H2AZ1: variants seen among roughly 807,000 people sequenced by gnomAD.
The protein encoded by H2AZ1 is H2A.Z variant histone 1, also known as histone H2A.Z.
A neutral mutation model predicts 16.6 loss-of-function variants in H2AZ1; 3 were observed. That is an observed-to-expected ratio of 0.18 (90% CI 0.08 to 0.47). The LOEUF (loss-of-function observed/expected upper bound fraction) is 0.47. Ranked by LOEUF, H2AZ1 falls within the 20% of genes least tolerant of loss-of-function variation. H2AZ1 has a pLI of 0.98. For missense variants in H2AZ1, 27 were observed against 163.6 expected (o/e 0.17, Z 4.55); for synonymous variants, 78 against 60.7 (o/e 1.28, Z -1.32).
At chr4:99,949,070 C>G in intron 3 of H2AZ1, 130 bp from the exon 4 acceptor site, 1 of 719,392 alleles carries the variant, frequency 1.4e-6, no homozygotes, top group Non-Finnish European at 2.5e-6. Flanking sequence ...GCAAGATATA[C>G]AGGGGGCACG....
At chr4:99,949,075 G>A (rs1727207342) in intron 3 of H2AZ1, 135 bp from the exon 4 acceptor site, 1 of 710,182 alleles carries the variant, frequency 1.4e-6, no homozygotes, top group Non-Finnish European at 2.5e-6. Flanking sequence ...ATATACAGGG[G>A]GCACGCAATT....
chr4:99,949,405 A>G lies in H2AZ1; in HGVS notation c.82-19T>C, dbSNP rs1277958692. 1 of 1,444,712 alleles carries G rather than the reference A, an allele frequency of 6.9e-7. No homozygotes were observed. Among genetic ancestry groups the G allele is most frequent in the African/African-American group, 1.4e-5 (1 of 71,614 alleles). The allele number at this position is 1,444,712 out of a possible 1,614,324, so 89.5% of individuals were successfully genotyped here. A position where few individuals can be genotyped will look rare whatever the true frequency, so the allele number is the denominator to read the frequency against. ...CTGGGAACTTAAATTTTAAGCATAC[A>G]CAAACATAAATGCACAAAAATGAGA... On this transcript the variant is annotated intron_variant, in intron 2 of 4. Coordinates refer to ENST00000296417, the MANE Select transcript of H2AZ1 (RefSeq NM_002106.4).
At chr4:99,948,965 C>T (rs1174987864) in intron 3 of H2AZ1, 25 bp from the exon 4 acceptor site, 1 of 1,360,996 alleles carries the variant, frequency 7.3e-7, no homozygotes, top group Admixed American at 1.7e-5. Context: ...CTGTCAGTTG[C>T]CTTCCAACTT....
chr4:99,950,063 G>A (rs558517179), intron 1 of H2AZ1, 105 bp downstream of exon 1: 1 of 1,092,386 alleles, frequency 9.2e-7, no homozygotes, highest in Non-Finnish European at 1.4e-6. Context: ...TCCTGTCTCC[G>A]CGCGTTCCCA....
chr4:99,950,228 G>T lies in H2AZ1; in HGVS notation c.-58C>A. 6.4e-7 allele frequency: 1 copy of T among 1,562,778 alleles called. No homozygotes were observed. The highest frequency in any genetic ancestry group is 8.8e-7 in the Non-Finnish European group (1 of 1,141,136). On this transcript the variant is annotated 5_prime_UTR_variant, in exon 1 of 5. Coordinates refer to ENST00000296417, the MANE Select transcript of H2AZ1 (RefSeq NM_002106.4). Reference sequence around the variant, plus strand: ...CAGAGAAAAGGCTAATCGGACCCACGGTGAGATCCCACCACCTACTCCTTC... The same window carrying T: ...CAGAGAAAAGGCTAATCGGACCCACTGTGAGATCCCACCACCTACTCCTTC...
At chr4:99,948,644 T>C in intron 4 of H2AZ1, 121 bp from the exon 5 acceptor site, 2 of 1,494,442 alleles carry the variant, frequency 1.3e-6, no homozygotes, top group Non-Finnish European at 1.8e-6. Context: ...AGCTCAAGTA[T>C]GAAGTAAAAA....
chr4:99,948,869 A>G lies in H2AZ1; in HGVS notation c.267T>C (p.Leu89=). Reference sequence around the variant, plus strand: ...CCAATTCTTCATCTCCACGAATAGCAAGTTGCAAGTGACGAGGGGTAATAC... The same window carrying G: ...CCAATTCTTCATCTCCACGAATAGCGAGTTGCAAGTGACGAGGGGTAATAC... ...VKRITPRHLQ[L]AIRGDEELDS... Residue 89 remains leucine, a synonymous_variant, in exon 4 of 5, where the codon CTT becomes CTC. Transcript: ENST00000296417. 6.2e-7 allele frequency: 1 copy of G among 1,613,462 alleles called. No homozygotes were observed. The highest frequency in any genetic ancestry group is 1.7e-4 in the Middle Eastern group (1 of 6,060).
intron 1 of H2AZ1, 146 bp downstream of exon 1, chr4:99,950,022 C>G: frequency 1.4e-6 from 1 of 694,794 alleles, no homozygotes; most frequent in African/African-American, 1.8e-5. Flanking sequence ...CCGCTAGCAG[C>G]CGACAAAACA....
At chr4:99,948,547 T>C in intron 4 of H2AZ1, 24 bp from the exon 5 acceptor site, 1 of 1,609,068 alleles carries the variant, frequency 6.2e-7, no homozygotes, top group Non-Finnish European at 8.5e-7. Context: ...AGGAATTAAT[T>C]CTACTTAAGA....
At chr4:99,949,421 A>G (rs1486040327) in intron 2 of H2AZ1, 35 bp from the exon 3 acceptor site, 1 of 1,343,470 alleles carries the variant, frequency 7.4e-7, no homozygotes, top group African/African-American at 1.4e-5. Flanking sequence ...ATAAATGCAC[A>G]AAAATGAGAA....
Position 99,948,538 on chromosome 4 carries a change from G to A in H2AZ1, c.326-15C>T, listed in dbSNP as rs1374496556. The stretch of plus-strand genomic sequence containing the variant: ...TGGAATGACACCTAGGAGAGTGACA[G>A]GAATTAATTCTACTTAAGATTTTTT... On this transcript the variant is annotated splice_polypyrimidine_tract_variant and intron_variant, in intron 4 of 4. Coordinates refer to ENST00000296417, the MANE Select transcript of H2AZ1 (RefSeq NM_002106.4). 3 of 1,610,080 alleles carry A rather than the reference G, an allele frequency of 1.9e-6. No homozygotes were observed. The highest frequency in any genetic ancestry group is 2.7e-5 in the African/African-American group (2 of 74,784).
At chr4:99,949,600 TAAC>T in intron 2 of H2AZ1, 60 bp downstream of exon 2, 1 of 1,482,210 alleles carries the variant, frequency 6.7e-7, no homozygotes. Context: ...GAGCGATGAA[TAAC>T]AAAAAAGGAA....
At chr4:99,948,682 T>C (rs1182151941) in intron 4 of H2AZ1, 129 bp downstream of exon 4, 1 of 1,457,994 alleles carries the variant, frequency 6.9e-7, no homozygotes, top group East Asian at 2.4e-5. Context: ...ATAAATCAAA[T>C]TTCATGATAC....
At chr4:99,949,158 A>G (rs1024904709) in intron 3 of H2AZ1, 115 bp downstream of exon 3, 2 of 680,758 alleles carry the variant, frequency 2.9e-6, no homozygotes, top group African/African-American at 1.8e-5. Context: ...GCGTTCTCTT[A>G]GGCCTCTCGC....
chr4:99,950,000 T>C, intron 1 of H2AZ1, 168 bp downstream of exon 1: 1 of 518,280 alleles, frequency 1.9e-6, no homozygotes. Context: ...CGCCGCGAGA[T>C]CCGAGGCTGC....
chr4:99,949,999 A>T (rs1727242475), intron 1 of H2AZ1, 169 bp downstream of exon 1: 2 of 514,504 alleles, frequency 3.9e-6, no homozygotes, highest in Non-Finnish European at 6.6e-6. Context: ...CCGCCGCGAG[A>T]TCCGAGGCTG....
rs1336238519 is a variant in H2AZ1, at chr4:99,948,573, C to T, written c.326-50G>A. 5 of 1,602,698 alleles carry T rather than the reference C, an allele frequency of 3.1e-6. No homozygotes were observed. The South Asian group carries it at 5.5e-5, about 18-fold the overall frequency. On this transcript the variant is annotated intron_variant, in intron 4 of 4. Coordinates refer to ENST00000296417, the MANE Select transcript of H2AZ1 (RefSeq NM_002106.4). ...CTACTTAAGATTTTTTAAAAAATCACAGTATTTGAAACCAAGAAAGTGTAT... is the reference window on the plus strand; with the variant it reads ...CTACTTAAGATTTTTTAAAAAATCATAGTATTTGAAACCAAGAAAGTGTAT...
rs1727192111 is a variant in H2AZ1 at position 99,948,586 on chromosome 4, CAAG to C, written c.326-66_326-64del. ...TTTAAAAAATCACAGTATTTGAAACCAAGAAAGTGTATACTGTTCAACTTGAAA... is the reference window on the plus strand; with the variant it reads ...TTTAAAAAATCACAGTATTTGAAACCAAAGTGTATACTGTTCAACTTGAAA... On this transcript the variant is annotated intron_variant, in intron 4 of 4. Transcript: ENST00000296417. The C allele has an allele frequency of 1.4e-5, 23 of 1,597,274 alleles. No individual in the cohort carries two copies. The East Asian group carries it at 4.9e-4, about 34-fold the overall frequency.
Position 99,950,220 on chromosome 4 carries a change from G to C in H2AZ1, c.-50C>G, listed in dbSNP as rs370608688. ...AAGCAAGGCAGAGAAAAGGCTAATC[G>C]GACCCACGGTGAGATCCCACCACCT... On this transcript the variant is annotated 5_prime_UTR_variant, in exon 1 of 5. Transcript: ENST00000296417. 7.0e-5 allele frequency: 112 copies of C among 1,592,148 alleles called. No individual in the cohort carries two copies. The highest frequency in any genetic ancestry group is 6.5e-5 in the Non-Finnish European group (76 of 1,166,158).
Sources: allele counts gnomAD v4.1 joint callset, GRCh38; gene constraint gnomAD v4.1.1; transcripts MANE v1.5; gene names NCBI Gene and HGNC (gene_info 2026-07-23, HGNC 2026-07-21).